Variants in ARHGAP19 observed in about 807,000 individuals in gnomAD.
ARHGAP19 encodes Rho GTPase activating protein 19.
A neutral mutation model predicts 60.9 loss-of-function variants in ARHGAP19; 48 were observed. The ratio of observed to expected loss-of-function variants is 0.79; its 90% confidence interval spans 0.62 to 1.00. The LOEUF is 1.00. Among genes scored for constraint, ARHGAP19 ranks in the 50% least tolerant of loss-of-function variants. The pLI is 0.00. For synonymous variants in ARHGAP19, 209 were observed against 215.5 expected, an observed-to-expected ratio of 0.97 and a Z score of 0.27; for missense variants, 562 against 597.2, an observed-to-expected ratio of 0.94 and a Z score of 0.61.
At chr10:97,237,225 C>T (rs1160560130) in intron 8 of ARHGAP19, among the ~76,000 whole-genome samples, 1 of 122,344 alleles carries the variant, frequency 8.2e-6, no homozygotes, top group Non-Finnish European at 1.7e-5. Flanking sequence ...AGATCAATCA[C>T]GTCATTCCAG....
chr10:97,269,611 T>C (rs189270277), intron 1 of ARHGAP19, among the ~76,000 whole-genome samples: 44 of 152,324 alleles, frequency 2.9e-4, no homozygotes, highest in Admixed American at 1.1e-3. Flanking sequence ...TATAAGACTA[T>C]TGTTTATAAT....
chr10:97,235,423 T>G, intron 8 of ARHGAP19, 108 bp from the exon 9 acceptor site: 1 of 907,192 alleles, frequency 1.1e-6, no homozygotes, highest in South Asian at 1.6e-5. Context: ...AAACTGAGTC[T>G]GCGCATAGAT....
At chr10:97,226,948 C>T (rs992440670) in intron 11 of ARHGAP19, among the ~76,000 whole-genome samples, 1 of 152,158 alleles carries the variant, frequency 6.6e-6, no homozygotes, top group Non-Finnish European at 1.5e-5. Context: ...TGCCTCCTCA[C>T]CCACCATGGG....
At chr10:97,230,918 G>A (rs776316903) in intron 9 of ARHGAP19, among the ~76,000 whole-genome samples, 2 of 151,876 alleles carry the variant, frequency 1.3e-5, no homozygotes, top group Non-Finnish European at 2.9e-5. Context: ...TTAACTGGGC[G>A]TGGTGGTGCA....
intron 1 of ARHGAP19, among the ~76,000 whole-genome samples, chr10:97,283,831 T>TAAAAAAA (rs55665818): frequency 7.9e-6 from 1 of 126,844 alleles, no homozygotes; most frequent in Non-Finnish European, 1.6e-5. Flanking sequence ...TCATCTCTAT[T>TAAAAAAA]AAAAAAAAAA....
At chr10:97,241,384 C>CTGTCT (rs1842478913) in intron 8 of ARHGAP19, among the ~76,000 whole-genome samples, 4 of 150,060 alleles carry the variant, frequency 2.7e-5, no homozygotes, top group Non-Finnish European at 1.5e-5. Context: ...GAGCGAGACT[C>CTGTCT]CATCTTTAAA....
intron 11 of ARHGAP19, among the ~76,000 whole-genome samples, chr10:97,228,724 C>T (rs1353007264): frequency 6.6e-6 from 1 of 152,184 alleles, no homozygotes; most frequent in Non-Finnish European, 1.5e-5. Context: ...GATCCTTAGG[C>T]ACGAGCTGTT....
At chr10:97,240,643 T>A (rs1842465011) in intron 8 of ARHGAP19, among the ~76,000 whole-genome samples, 1 of 152,188 alleles carries the variant, frequency 6.6e-6, no homozygotes, top group South Asian at 2.1e-4. Flanking sequence ...AGAGCAGAAC[T>A]CTGTCTCAAA....
intron 1 of ARHGAP19, among the ~76,000 whole-genome samples, chr10:97,285,117 C>T (rs1036587539): frequency 1.3e-4 from 20 of 151,124 alleles, no homozygotes; most frequent in Non-Finnish European, 3.0e-4. Flanking sequence ...CGCCCGCCTC[C>T]GCCTCCCAAA....
At chr10:97,239,825 A>G (rs1164294495) in intron 8 of ARHGAP19, among the ~76,000 whole-genome samples, 3 of 151,564 alleles carry the variant, frequency 2.0e-5, no homozygotes, top group Non-Finnish European at 2.9e-5. Flanking sequence ...CTCCTGCCTC[A>G]GCCTCCCGAG....
intron 1 of ARHGAP19, among the ~76,000 whole-genome samples, chr10:97,273,939 T>G (rs1411811929): frequency 6.6e-6 from 1 of 151,106 alleles, no homozygotes; most frequent in East Asian, 2.0e-4. Flanking sequence ...ATCTCACAAA[T>G]GAAAAGCAAA....
At chr10:97,268,482 G>A (rs956580556) in intron 1 of ARHGAP19, among the ~76,000 whole-genome samples, 4 of 152,054 alleles carry the variant, frequency 2.6e-5, no homozygotes, top group African/African-American at 4.8e-5. Context: ...CTGTTCTCAC[G>A]CTGTTAATAA....
At chr10:97,270,507 A>G in intron 1 of ARHGAP19, 1 of 914,238 alleles carries the variant, frequency 1.1e-6, no homozygotes, top group African/African-American at 1.7e-5. Context: ...AGGACTAAAG[A>G]AAAAACTACT....
chr10:97,244,250 G>C (rs1481211797), intron 7 of ARHGAP19, 91 bp from the exon 8 acceptor site: 2 of 1,023,618 alleles, frequency 2.0e-6, no homozygotes, highest in East Asian at 4.9e-5. Flanking sequence ...AAAAGGGAGA[G>C]TGGGGACATG....
At chr10:97,257,074 C>T (rs1269477619) in intron 5 of ARHGAP19, among the ~76,000 whole-genome samples, 1 of 151,902 alleles carries the variant, frequency 6.6e-6, no homozygotes, top group South Asian at 2.1e-4. Flanking sequence ...TGAGCCGAGA[C>T]CGCACCACTG....
Position 97,226,185 on chromosome 10 carries a change from T to C in ARHGAP19, c.1475-53A>G, listed in dbSNP as rs181614433. On this transcript the variant is annotated intron_variant, in intron 11 of 11. Coordinates refer to ENST00000358531, the MANE Select transcript of ARHGAP19 (RefSeq NM_032900.6). ...AGACATGTTCTTAAATATTTCTTTT[T>C]GCAAACATCCCACTCAAAAGCTACA... 2,001 of 1,591,276 alleles carry C rather than the reference T, an allele frequency of 1.3e-3. 3 individuals are homozygous for C. The highest frequency in any genetic ancestry group is 1.6e-3 in the Non-Finnish European group (1,903 of 1,160,868).
At chr10:97,287,751 T>C (rs2134932057) in intron 1 of ARHGAP19, among the ~76,000 whole-genome samples, 1 of 151,728 alleles carries the variant, frequency 6.6e-6, no homozygotes, top group East Asian at 1.9e-4. Flanking sequence ...TCAAAAAAAA[T>C]CATAATAAGT....
chr10:97,290,713 C>A (rs1438825308), intron 1 of ARHGAP19, among the ~76,000 whole-genome samples: 1 of 152,132 alleles, frequency 6.6e-6, no homozygotes, highest in African/African-American at 2.4e-5. Context: ...AACTACAAAT[C>A]ATTCTTCAAA....
At chr10:97,269,822 G>C (rs968867687) in intron 1 of ARHGAP19, among the ~76,000 whole-genome samples, 3 of 152,142 alleles carry the variant, frequency 2.0e-5, no homozygotes, top group Non-Finnish European at 4.4e-5. Flanking sequence ...TTATATTCCT[G>C]AAACAGAAAC....
Sources: gnomAD v4.1 joint callset for allele counts (sites outside exome capture counted in the v4.1 genomes callset) on GRCh38, gnomAD v4.1.1 for gene constraint, MANE v1.5 for transcripts, NCBI Gene and HGNC (gene_info 2026-07-23, HGNC 2026-07-21) for gene names.